Variants in PIEZO2 observed in about 807,000 individuals in gnomAD.
PIEZO2 encodes piezo-type mechanosensitive ion channel component 2.
PIEZO2 carries 172 observed loss-of-function variants against 337.3 expected under a neutral mutation model. The ratio of observed to expected loss-of-function variants is 0.51; its 90% confidence interval spans 0.45 to 0.58. The LOEUF is 0.58. Among genes scored for constraint, PIEZO2 ranks in the 20% least tolerant of loss-of-function variants. PIEZO2 has a pLI of 0.00. For synonymous variants in PIEZO2, 1,251 were observed against 1,228.5 expected (o/e 1.02, Z -0.38); for missense variants, 3,028 against 3,391.3 (o/e 0.89, Z 2.66).
chr18:10,884,482 C>T (rs2042515571), intron 4 of PIEZO2, among the ~76,000 whole-genome samples: 1 of 152,170 alleles, frequency 6.6e-6, no homozygotes, highest in African/African-American at 2.4e-5. Flanking sequence ...GGGGAAAATT[C>T]CACCATAACA....
At chr18:11,107,227 TAGAAC>T (rs2039596863) in intron 1 of PIEZO2, among the ~76,000 whole-genome samples, 1 of 152,200 alleles carries the variant, frequency 6.6e-6, no homozygotes, top group African/African-American at 2.4e-5. Context: ...GTAAAGGACT[TAGAAC>T]AGTGCACAGC....
chr18:10,693,133 AT>A (rs2034924747), intron 47 of PIEZO2, among the ~76,000 whole-genome samples: 2 of 152,118 alleles, frequency 1.3e-5, no homozygotes, highest in Admixed American at 1.3e-4. Context: ...AGTTTTTCAT[AT>A]TTTTAATGGC....
At chr18:10,812,741 C>G (rs950431030) in intron 7 of PIEZO2, among the ~76,000 whole-genome samples, 1 of 152,066 alleles carries the variant, frequency 6.6e-6, no homozygotes, top group Non-Finnish European at 1.5e-5. Flanking sequence ...CTGAAGCACT[C>G]ATAACATCTG....
At chr18:10,999,378 A>G (rs982430448) in intron 2 of PIEZO2, among the ~76,000 whole-genome samples, 3 of 152,140 alleles carry the variant, frequency 2.0e-5, no homozygotes, top group African/African-American at 4.8e-5. Context: ...TGGACTCCAT[A>G]TCCAGTAGAT....
chr18:11,013,766 C>A (rs991733331), intron 2 of PIEZO2, among the ~76,000 whole-genome samples: 2 of 152,096 alleles, frequency 1.3e-5, no homozygotes, highest in Admixed American at 6.6e-5. Context: ...ACTAAATGGT[C>A]CTTTGATGTG....
intron 21 of PIEZO2, among the ~76,000 whole-genome samples, chr18:10,765,738 G>GGGCAACTGAACCT (rs869094547): frequency 1.9e-4 from 1 of 5,390 alleles, no homozygotes; most frequent in Non-Finnish European, 3.3e-4. Context: ...AGCAAGTGCA[G>GGGCAACTGAACCT]GAGTCCTGTG....
rs201374679 is a variant in PIEZO2 at position 11,133,038 on chromosome 18, T to C, written c.64+15487A>G. On this transcript the variant is annotated intron_variant, in intron 1 of 55. Transcript: ENST00000674853. ...GGCAAAGGGGATACAGAATGGGTAG[T>C]AGAAGAAGGTAGTCATCAATACCAT... Among the ~76,000 whole-genome samples the C allele has an allele frequency of 5.9e-4, 90 of 152,276 alleles. No individual in the cohort carries two copies. In the East Asian group the frequency reaches 0.016, roughly 27 times the overall value.
chr18:10,838,167 C>T (rs2041077990), intron 7 of PIEZO2, among the ~76,000 whole-genome samples: 1 of 152,150 alleles, frequency 6.6e-6, no homozygotes, highest in Non-Finnish European at 1.5e-5. Flanking sequence ...GCATCCCATC[C>T]TATAATACTG....
chr18:10,720,413 G>GTGTA (rs201482963), intron 36 of PIEZO2, among the ~76,000 whole-genome samples: 1 of 36,732 alleles, frequency 2.7e-5, no homozygotes, highest in Non-Finnish European at 4.1e-5. Flanking sequence ...GTATGTGTAT[G>GTGTA]TGTATGTATA....
At position 10,691,768 on chromosome 18, in the gene PIEZO2, A is replaced by AACACACACACACAC. The variant is rs1339141004; in HGVS notation, c.7191-399_7191-386dup. ...ATATGATATATTAAAAATATATATA[A>AACACACACACACAC]ACACACACACACACATATATATATA... On this transcript the variant is annotated intron_variant, in intron 47 of 55. Coordinates refer to ENST00000674853, the MANE Select transcript of PIEZO2 (RefSeq NM_001378183.1). 1.0e-3 allele frequency among the ~76,000 whole-genome samples: 74 copies of AACACACACACACAC among 74,340 alleles called. 11 individuals are homozygous for AACACACACACACAC. The highest frequency in any genetic ancestry group is 6.8e-3 in the Middle Eastern group (1 of 146). The allele number at this position is 74,340 out of a possible 152,430, so 48.8% of individuals were successfully genotyped here. A position where few individuals can be genotyped will look rare whatever the true frequency, so the allele number is the denominator to read the frequency against.
rs1323328057 is a variant in PIEZO2 at position 11,032,675 on chromosome 18, G to T, written c.160+33452C>A. 6.6e-6 allele frequency among the ~76,000 whole-genome samples: 1 copy of T among 152,204 alleles called. No homozygotes were observed. The highest frequency in any genetic ancestry group is 2.4e-5 in the African/African-American group (1 of 41,444). ...GGCAAATGCATTTCAGTTTTAAAAT[G>T]TTACTGTTCACAGTAGCAGAAATCT... On this transcript the variant is annotated intron_variant, in intron 2 of 55. Transcript: ENST00000674853. The surrounding 1 kb of genome is among the most constrained non-coding windows in gnomAD (Gnocchi z 4.9).
intron 1 of PIEZO2, among the ~76,000 whole-genome samples, chr18:11,123,307 A>T (rs1386251825): frequency 6.6e-6 from 1 of 152,256 alleles, no homozygotes; most frequent in Non-Finnish European, 1.5e-5. Flanking sequence ...TGCTAATTTA[A>T]ATAGGGCAGG....
At chr18:11,045,177 G>A (rs987704634) in intron 2 of PIEZO2, among the ~76,000 whole-genome samples, 1 of 150,954 alleles carries the variant, frequency 6.6e-6, no homozygotes, top group Non-Finnish European at 1.5e-5. Context: ...GGCGACTGTA[G>A]TCTCAGCTAC....
At chr18:10,736,555 T>C in intron 34 of PIEZO2, 49 bp downstream of exon 34, 1 of 1,534,878 alleles carries the variant, frequency 6.5e-7, no homozygotes, top group Non-Finnish European at 8.7e-7. Flanking sequence ...GGTCCGTCAA[T>C]AAGAAAAGCT....
In PIEZO2 at chr18:10,850,811, G is replaced by A. The variant is rs2041524858; in HGVS notation, c.917+4542C>T. 6.6e-6 allele frequency among the ~76,000 whole-genome samples: 1 copy of A among 152,072 alleles called. No homozygotes were observed. Among genetic ancestry groups the A allele is most frequent in the African/African-American group, 2.4e-5 (1 of 41,428 alleles). ...AAAAAGCAATAGTATTTATTTCTGG[G>A]AATAAGGATTACATTTTAAAGTGTT... is the stretch of plus-strand genomic sequence containing the variant. On this transcript the variant is annotated intron_variant, in intron 7 of 55. Coordinates refer to ENST00000674853, the MANE Select transcript of PIEZO2 (RefSeq NM_001378183.1). This position sits in a 1 kb window ranked among gnomAD's most constrained non-coding sequence, Gnocchi z 4.5.
rs2042673116 is a variant in PIEZO2 at position 10,888,579 on chromosome 18, G to A, written c.330-17164C>T. On this transcript the variant is annotated intron_variant, in intron 4 of 55. Coordinates refer to ENST00000674853, the MANE Select transcript of PIEZO2 (RefSeq NM_001378183.1). This position sits in a 1 kb window ranked among gnomAD's most constrained non-coding sequence, Gnocchi z 4.1. ...CATATATTTCCACACACACGCATAT[G>A]CCTTTACAACTATTTCCATATCTTC... 6.6e-6 allele frequency among the ~76,000 whole-genome samples: 1 copy of A among 152,004 alleles called. No homozygotes were observed. Among genetic ancestry groups the A allele is most frequent in the Non-Finnish European group, 1.5e-5 (1 of 68,002 alleles).
chr18:10,683,540 ATAG>A (rs1296273799), intron 49 of PIEZO2, among the ~76,000 whole-genome samples: 3 of 152,240 alleles, frequency 2.0e-5, no homozygotes, highest in African/African-American at 7.2e-5. Context: ...TCAAATATGG[ATAG>A]CAGTAGCAGT....
chr18:10,858,321 CAAAA>C lies in PIEZO2; in HGVS notation c.493-1114_493-1111del, dbSNP rs11361243. 9.8e-3 allele frequency among the ~76,000 whole-genome samples: 549 copies of C among 56,242 alleles called. 1 individual carries two copies. Among genetic ancestry groups the C allele is most frequent in the African/African-American group, 0.034 (525 of 15,428 alleles). 36.9% of individuals were successfully genotyped at this position (56,242 alleles called of 152,430 possible). On this transcript the variant is annotated intron_variant, in intron 5 of 55. Coordinates refer to ENST00000674853, the MANE Select transcript of PIEZO2 (RefSeq NM_001378183.1). ...CTGGCGACAGAGCGAGACTTCAACC[CAAAA>C]AAAAAAAAAAAAAAAAAAAAAAGAA...
intron 1 of PIEZO2, among the ~76,000 whole-genome samples, chr18:11,098,634 G>A (rs1598957058): frequency 6.6e-6 from 1 of 150,758 alleles, no homozygotes; most frequent in Non-Finnish European, 1.5e-5. Flanking sequence ...GGTCATGAGG[G>A]CTCCCCGCCA....
Sources: allele counts gnomAD v4.1 joint callset (sites outside exome capture counted in the v4.1 genomes callset), GRCh38; gene constraint gnomAD v4.1.1; non-coding constraint Gnocchi (gnomAD v3.1); transcripts MANE v1.5; gene names NCBI Gene and HGNC (gene_info 2026-07-23, HGNC 2026-07-21).